Variants in PDE4B observed in about 807,000 individuals in gnomAD.
The protein encoded by PDE4B is phosphodiesterase 4B.
In PDE4B, 20 loss-of-function variants were observed where a neutral mutation model predicts 82.2. The observed-to-expected ratio is 0.24, with a 90% CI of 0.17 to 0.35. The LOEUF is 0.35. Among genes scored for constraint, PDE4B ranks in the 10% least tolerant of loss-of-function variants. PDE4B has a pLI of 1.00. For missense variants in PDE4B, 655 were observed against 907.2 expected (o/e 0.72, Z 3.57); for synonymous variants, 320 against 318.9 (o/e 1.00, Z -0.04).
intron 9 of PDE4B, among the ~76,000 whole-genome samples, chr1:66,359,015 G>A (rs1381559388): frequency 1.3e-5 from 2 of 152,108 alleles, no homozygotes; most frequent in African/African-American, 4.8e-5. Context: ...TGGTGCAAGG[G>A]GAAATAGAAG....
chr1:65,891,723 C>G (rs917119458), intron 1 of PDE4B, among the ~76,000 whole-genome samples: 1 of 151,994 alleles, frequency 6.6e-6, no homozygotes, highest in Non-Finnish European at 1.5e-5. Context: ...TAATGAAAAG[C>G]ATGGCAGAAT....
At chr1:66,072,742 T>TACATCTAGAACAG (rs1553141337) in intron 3 of PDE4B, among the ~76,000 whole-genome samples, 1 of 152,162 alleles carries the variant, frequency 6.6e-6, no homozygotes, top group Non-Finnish European at 1.5e-5. Flanking sequence ...CTGTTCTAGG[T>TACATCTAGAACAG]AACCTGCTAG....
chr1:65,938,747 G>T (rs1557445387), intron 3 of PDE4B, among the ~76,000 whole-genome samples: 1 of 152,180 alleles, frequency 6.6e-6, no homozygotes, highest in Non-Finnish European at 1.5e-5. Flanking sequence ...AAAGAAGATT[G>T]TATGTTGAGG....
intron 3 of PDE4B, among the ~76,000 whole-genome samples, chr1:66,217,723 G>A (rs1220958925): frequency 6.6e-6 from 1 of 152,070 alleles, no homozygotes; most frequent in African/African-American, 2.4e-5. Context: ...TATCCATCAA[G>A]GCCTAGGTTC....
intron 3 of PDE4B, among the ~76,000 whole-genome samples, chr1:66,171,397 A>G (rs1193466407): frequency 1.3e-5 from 2 of 152,198 alleles, no homozygotes; most frequent in Admixed American, 1.3e-4. Context: ...CCTTGAAACT[A>G]GAAAACATGG....
chr1:66,019,607 C>T (rs1040543173), intron 3 of PDE4B, among the ~76,000 whole-genome samples: 4 of 152,074 alleles, frequency 2.6e-5, no homozygotes, highest in Non-Finnish European at 5.9e-5. Context: ...GCCCCCTTGA[C>T]CTCCCAAAGT....
chr1:66,371,501 A>G (rs1394085154), intron 16 of PDE4B, among the ~76,000 whole-genome samples: 2 of 152,176 alleles, frequency 1.3e-5, no homozygotes, highest in Non-Finnish European at 2.9e-5. Flanking sequence ...AAACCATAAC[A>G]GAGCCATAAG....
chr1:66,267,827 C>T (rs1655166203), intron 7 of PDE4B, among the ~76,000 whole-genome samples: 1 of 152,192 alleles, frequency 6.6e-6, no homozygotes, highest in African/African-American at 2.4e-5. Context: ...GGAGGAGACA[C>T]ACATCCCTTG....
chr1:66,255,189 A>G (rs1654113025), intron 4 of PDE4B, among the ~76,000 whole-genome samples: 1 of 151,750 alleles, frequency 6.6e-6, no homozygotes, highest in South Asian at 2.1e-4. Flanking sequence ...GGTTCAAGCA[A>G]TTCTCCTGCC....
chr1:66,245,734 C>T lies in PDE4B; in HGVS notation c.282-1726C>T, dbSNP rs529809485. ...ATTCATCTACAGTACCTTGAAAGACCAAACATATTGGATTGTTATAGCTTT... is the reference window on the plus strand; with the variant it reads ...ATTCATCTACAGTACCTTGAAAGACTAAACATATTGGATTGTTATAGCTTT... On this transcript the variant is annotated intron_variant, in intron 3 of 16. Coordinates refer to ENST00000341517, the MANE Select transcript of PDE4B (RefSeq NM_002600.4). 1.4e-4 allele frequency among the ~76,000 whole-genome samples: 22 copies of T among 152,306 alleles called. No individual in the cohort carries two copies. In the South Asian group the frequency reaches 4.6e-3, roughly 32 times the overall value.
intron 1 of PDE4B, among the ~76,000 whole-genome samples, chr1:65,819,304 C>A (rs144901480): frequency 1.8e-4 from 27 of 152,136 alleles, no homozygotes; most frequent in African/African-American, 6.5e-4. Flanking sequence ...ATATCCAATA[C>A]CCTATGCCTG....
intron 1 of PDE4B, among the ~76,000 whole-genome samples, chr1:65,836,245 G>A (rs1646138395): frequency 6.6e-6 from 1 of 152,138 alleles, no homozygotes; most frequent in Non-Finnish European, 1.5e-5. Context: ...CCCGGACTTA[G>A]TAGCTCTGCT....
chr1:66,250,894 A>C (rs1653720467), intron 4 of PDE4B, among the ~76,000 whole-genome samples: 1 of 152,228 alleles, frequency 6.6e-6, no homozygotes, highest in Admixed American at 6.5e-5. Flanking sequence ...TACACAGACA[A>C]GAAGCTTTTG....
intron 1 of PDE4B, among the ~76,000 whole-genome samples, chr1:65,871,748 C>T (rs1646575909): frequency 6.6e-6 from 1 of 152,100 alleles, no homozygotes; most frequent in African/African-American, 2.4e-5. Flanking sequence ...TGTCTGTCTG[C>T]CTGGCTGACT....
intron 3 of PDE4B, among the ~76,000 whole-genome samples, chr1:66,131,475 AC>A (rs1175000755): frequency 1.3e-5 from 2 of 150,678 alleles, no homozygotes; most frequent in East Asian, 3.9e-4. Flanking sequence ...GAATGGCTGT[AC>A]ATAAGAGAGA....
chr1:65,852,212 G>C (rs1270239388), intron 1 of PDE4B, among the ~76,000 whole-genome samples: 1 of 151,912 alleles, frequency 6.6e-6, no homozygotes, highest in East Asian at 1.9e-4. Context: ...TCAGGGTTAT[G>C]CTAACCTTGT....
chr1:66,029,257 A>G (rs1653626840), intron 3 of PDE4B, among the ~76,000 whole-genome samples: 1 of 152,214 alleles, frequency 6.6e-6, no homozygotes, highest in South Asian at 2.1e-4. Context: ...CATATTCACT[A>G]TCACGAGGGT....
chr1:66,328,001 T>C (rs1326908790), intron 7 of PDE4B, among the ~76,000 whole-genome samples: 1 of 152,234 alleles, frequency 6.6e-6, no homozygotes, highest in Admixed American at 6.5e-5. Flanking sequence ...TCTTAGTTTA[T>C]GCCTTAAGGT....
chr1:65,895,621 G>A lies in PDE4B; in HGVS notation c.-70-17624G>A, dbSNP rs567110322. Reference sequence around the variant, plus strand: ...TGGGGTCTACATGAACATTGACCGTGTTTCTCACCACACATAAACATTAAT... The same window carrying A: ...TGGGGTCTACATGAACATTGACCGTATTTCTCACCACACATAAACATTAAT... On this transcript the variant is annotated intron_variant, in intron 1 of 16. Transcript: ENST00000341517. Among the ~76,000 whole-genome samples, 3 of 149,816 alleles carry A rather than the reference G, an allele frequency of 2.0e-5. No homozygotes were observed. In the East Asian group the frequency reaches 5.9e-4, roughly 29 times the overall value.
Sources: gnomAD v4.1 joint callset for allele counts (sites outside exome capture counted in the v4.1 genomes callset) on GRCh38, gnomAD v4.1.1 for gene constraint, MANE v1.5 for transcripts, NCBI Gene and HGNC (gene_info 2026-07-23, HGNC 2026-07-21) for gene names.